The following SCN3A variants were observed in gnomAD, a reference collection of about 807,000 sequenced individuals.
The protein encoded by SCN3A is sodium voltage-gated channel alpha subunit 3.
SCN3A carries 60 observed loss-of-function variants against 187.6 expected under a neutral mutation model. The ratio of observed to expected loss-of-function variants is 0.32; its 90% CI spans 0.26 to 0.40. The LOEUF (loss-of-function observed/expected upper bound fraction) is 0.40. Among genes scored for constraint, SCN3A ranks in the 10% least tolerant of loss-of-function variants. The pLI is 1.00. For synonymous variants in SCN3A, 788 were observed against 829.2 expected (o/e 0.95, Z 0.85); for missense variants, 1,601 against 2,428.2 (o/e 0.66, Z 7.16).
chr2:165,163,938 T>C, intron 6 of SCN3A: 1 of 1,549,868 alleles, frequency 6.5e-7, no homozygotes, highest in Non-Finnish European at 8.9e-7. Flanking sequence ...GCAAAGTTTA[T>C]ACTAAATAAG....
chr2:165,152,759 G>A (rs866921332), intron 11 of SCN3A, among the ~76,000 whole-genome samples: 18 of 151,872 alleles, frequency 1.2e-4, no homozygotes, highest in African/African-American at 3.9e-4. Context: ...TTTAATGATC[G>A]CCATTCTAAC....
At position 165,090,110 on chromosome 2, in the gene SCN3A, C is replaced by T. The variant is rs982072048; in HGVS notation, c.*40G>A. 6.4e-7 allele frequency: 1 copy of T among 1,551,688 alleles called. No individual in the cohort carries two copies. The highest frequency in any genetic ancestry group is 2.2e-4 in the Middle Eastern group (1 of 4,504). ...GACACATATACTTTACCTTCATAGG[C>T]TGTAAACAATTGATCACAAAGATAA... On this transcript the variant is annotated 3_prime_UTR_variant, in exon 28 of 28. Transcript: ENST00000283254. The surrounding 1 kb of genome is among the most constrained non-coding windows in gnomAD (Gnocchi z 4.0).
rs6710092 is a variant in SCN3A, at chr2:165,162,117, A to G, written c.1031+191T>C. 0.23 allele frequency among the ~76,000 whole-genome samples: 34,353 copies of G among 151,936 alleles called. 5,058 individuals carry two copies. The highest frequency in any genetic ancestry group is 0.52 in the East Asian group (2,676 of 5,140). On this transcript the variant is annotated intron_variant, in intron 9 of 27. Coordinates refer to ENST00000283254, the MANE Select transcript of SCN3A (RefSeq NM_006922.4). ...TGGGGAAAGGTCTTCACAAAGGGAT[A>G]ATTTTTAATTGCTGTGAGTTTAGGA...
intron 5 of SCN3A, 107 bp downstream of exon 5, chr2:165,168,629 C>T (rs1268348033): frequency 3.6e-6 from 3 of 834,792 alleles, no homozygotes; most frequent in African/African-American, 3.4e-5. Flanking sequence ...ATGAAAATAA[C>T]TTTTTCTTAG....
chr2:165,178,557 T>C (rs1294688343), intron 2 of SCN3A, among the ~76,000 whole-genome samples: 4 of 152,182 alleles, frequency 2.6e-5, no homozygotes, highest in Non-Finnish European at 5.9e-5. Flanking sequence ...GTAAGATATG[T>C]CTTTTCTTTG....
At chr2:165,174,139 C>T (rs954922178) in intron 3 of SCN3A, among the ~76,000 whole-genome samples, 1 of 152,192 alleles carries the variant, frequency 6.6e-6, no homozygotes, top group African/African-American at 2.4e-5. Flanking sequence ...AAACTCCTGA[C>T]CTCAAGCAAT....
At chr2:165,138,257 C>G (rs1363530146) in intron 14 of SCN3A, 140 bp from the exon 15 acceptor site, 5 of 673,474 alleles carry the variant, frequency 7.4e-6, no homozygotes, top group South Asian at 3.5e-5. Flanking sequence ...CTTGAGAAGA[C>G]AATCCCATTA....
At chr2:165,198,498 T>C (rs1165835716) in intron 1 of SCN3A, among the ~76,000 whole-genome samples, 3 of 152,102 alleles carry the variant, frequency 2.0e-5, no homozygotes, top group Admixed American at 6.6e-5. Context: ...ATCTATCTGG[T>C]ATTATAAATA....
In SCN3A at chr2:165,089,325, C is replaced by T. The variant is rs1056262716; in HGVS notation, c.*825G>A. On this transcript the variant is annotated 3_prime_UTR_variant, in exon 28 of 28. Coordinates refer to ENST00000283254, the MANE Select transcript of SCN3A (RefSeq NM_006922.4). ...AATACTGCAGCAGAAAGTGGAACAACTATTCTAAAGCAATACTTTAGATAT... is the reference window on the plus strand; with the variant it reads ...AATACTGCAGCAGAAAGTGGAACAATTATTCTAAAGCAATACTTTAGATAT... 6.6e-6 allele frequency: 1 copy of T among 152,550 alleles called. No individual in the cohort carries two copies. Among genetic ancestry groups the T allele is most frequent in the Non-Finnish European group, 1.5e-5 (1 of 68,014 alleles). The allele number at this position is 152,550 out of a possible 1,614,324, so 9.4% of individuals were successfully genotyped here. A position where few individuals can be genotyped will look rare whatever the true frequency, so the allele number is the denominator to read the frequency against.
intron 14 of SCN3A, among the ~76,000 whole-genome samples, chr2:165,138,656 A>G (rs1041190123): frequency 1.1e-4 from 17 of 152,134 alleles, no homozygotes; most frequent in Admixed American, 7.9e-4. Flanking sequence ...TGGTTTGTAC[A>G]TATCTTTTAG....
At chr2:165,119,006 C>T (rs1359074021) in intron 18 of SCN3A, among the ~76,000 whole-genome samples, 2 of 152,132 alleles carry the variant, frequency 1.3e-5, no homozygotes, top group East Asian at 3.9e-4. Context: ...TCGTGATCAG[C>T]CTGCCTCGGC....
intron 18 of SCN3A, 128 bp from the exon 19 acceptor site, chr2:165,115,703 A>T (rs559276443): frequency 3.6e-6 from 3 of 839,862 alleles, no homozygotes; most frequent in East Asian, 5.1e-5. Flanking sequence ...ATTACTGATC[A>T]TTATGTACTA....
intron 11 of SCN3A, among the ~76,000 whole-genome samples, chr2:165,150,614 C>T (rs1401614583): frequency 3.3e-5 from 5 of 152,124 alleles, no homozygotes; most frequent in Admixed American, 6.5e-5. Context: ...GGTAATAGAA[C>T]TGATGTTTTT....
chr2:165,149,328 C>A (rs1485420341), intron 11 of SCN3A, among the ~76,000 whole-genome samples: 1 of 152,032 alleles, frequency 6.6e-6, no homozygotes, highest in Non-Finnish European at 1.5e-5. Context: ...GCGTGAGCCA[C>A]CACACCTGGC....
In SCN3A at chr2:165,130,270, G is replaced by C. The variant is rs1440567893; in HGVS notation, c.2592C>G (p.Ser864=). ...RLLRVFKLAK[S]WPTLNMLIKI... is the part of the protein sequence containing the mutation. ...TAATTAGCATATTTAGTGTGGGCCA[G>C]GATTTTGCCAACTTGAAAACTCTAA... The change falls in exon 17 of 28, where the codon TCC becomes TCG. Residue 864 remains serine (S), a synonymous_variant. Transcript: ENST00000283254. The C allele has an allele frequency of 6.2e-7, 1 of 1,614,110 alleles. No homozygotes were observed. The highest frequency in any genetic ancestry group is 1.3e-5 in the African/African-American group (1 of 75,036).
chr2:165,092,674 C>A lies in SCN3A; in HGVS notation c.4537-150G>T. 1 of 745,206 alleles carries A rather than the reference C, an allele frequency of 1.3e-6. No individual in the cohort carries two copies. Among genetic ancestry groups the A allele is most frequent in the South Asian group, 1.9e-5 (1 of 52,222 alleles). The allele number at this position is 745,206 out of a possible 1,614,324, so 46.2% of individuals were successfully genotyped here. The stretch of plus-strand genomic sequence containing the variant: ...CAATTTTGTGTGCTTTTTTTCTCTT[C>A]ATGTTAAAAAAAATGGAAAAAAAAT... On this transcript the variant is annotated intron_variant, in intron 26 of 27. Transcript: ENST00000283254. This position sits in a 1 kb window ranked among gnomAD's most constrained non-coding sequence, Gnocchi z 4.2.
intron 11 of SCN3A, among the ~76,000 whole-genome samples, chr2:165,153,987 A>ATTTTTTTTTTT (rs71393659): frequency 0.034 from 3,113 of 92,610 alleles, 435 homozygotes; most frequent in African/African-American, 0.073. Context: ...TATAGCAAAC[A>ATTTTTTTTTTT]TTTTTTTTTT....
rs1686229386 is a variant in SCN3A, at chr2:165,113,807, T to C, written c.3669+9A>G. On this transcript the variant is annotated intron_variant, in intron 20 of 27. Transcript: ENST00000283254. The stretch of plus-strand genomic sequence containing the variant: ...GAATCTGATTCTTGCCAATATGCAT[T>C]TCACTTACCAATGCACCACTACTGA... The C allele has an allele frequency of 3.1e-6, 5 of 1,613,396 alleles. No homozygotes were observed. The highest frequency in any genetic ancestry group is 4.2e-6 in the Non-Finnish European group (5 of 1,179,538).
chr2:165,163,516 A>T (rs542098611), intron 7 of SCN3A, 102 bp downstream of exon 7: 1 of 1,328,576 alleles, frequency 7.5e-7, no homozygotes, highest in Non-Finnish European at 1.1e-6. Context: ...ATTTAACGGG[A>T]TGAACTGTAA....
Sources: gnomAD v4.1 joint callset for allele counts (sites outside exome capture counted in the v4.1 genomes callset) on GRCh38, gnomAD v4.1.1 for gene constraint, Gnocchi (gnomAD v3.1) non-coding constraint, MANE v1.5 for transcripts, NCBI Gene and HGNC (gene_info 2026-07-23, HGNC 2026-07-21) for gene names.